DISC1: variants seen among roughly 807,000 people sequenced by gnomAD.
DISC1 encodes disrupted in schizophrenia 1 protein.
Under a neutral mutation model 84.5 loss-of-function variants are expected in DISC1, and 57 were observed. That is an observed-to-expected ratio of 0.67 (90% CI 0.55 to 0.84). DISC1 has a LOEUF of 0.84. DISC1 is among the 40% of genes least tolerant of loss of function. The pLI is 0.00. For missense variants in DISC1, 1,000 were observed against 1,057.8 expected, an observed-to-expected ratio of 0.95 and a Z score of 0.76; for synonymous variants, 411 against 415.2, an observed-to-expected ratio of 0.99 and a Z score of 0.12.
intron 10 of DISC1, among the ~76,000 whole-genome samples, chr1:231,965,600 C>T (rs995989759): frequency 6.6e-6 from 1 of 152,260 alleles, no homozygotes; most frequent in African/African-American, 2.4e-5. Flanking sequence ...ATAAATTCCA[C>T]AGTCCTTGTT....
intron 10 of DISC1, among the ~76,000 whole-genome samples, chr1:231,995,886 T>G: frequency 6.6e-6 from 1 of 151,664 alleles, no homozygotes; most frequent in Non-Finnish European, 1.5e-5. Flanking sequence ...AAATGGTATT[T>G]CCAGTTCTAG....
At chr1:231,756,149 A>G (rs1421345585) in intron 4 of DISC1, among the ~76,000 whole-genome samples, 3 of 152,218 alleles carry the variant, frequency 2.0e-5, no homozygotes, top group East Asian at 3.8e-4. Flanking sequence ...GAATGTTTCT[A>G]GATTCTATGA....
rs1178862593 is a variant in DISC1, at chr1:231,800,166, C to T, written c.1748C>T (p.Thr583Ile). The T allele has an allele frequency of 1.9e-6, 3 of 1,611,980 alleles. No individual in the cohort carries two copies. Among genetic ancestry groups the T allele is most frequent in the Admixed American group, 1.7e-5 (1 of 59,862 alleles). ...AGGAAGAAAGTTAACGATATTGAAACCCAACTACCAGCCTTGCTTGAAGCC... is the reference window on the plus strand; with the variant it reads ...AGGAAGAAAGTTAACGATATTGAAATCCAACTACCAGCCTTGCTTGAAGCC... The part of the protein sequence containing the change: ...TLRKKVNDIE[T>I]QLPALLEAKM... Residue 583 changes from threonine to isoleucine, a missense_variant, in exon 8 of 13, where the codon ACC (threonine) becomes ATC (isoleucine). Thr to Ile is a moderately conservative substitution (Grantham distance 89). This residue lies in a region of DISC1 where 397 missense variants were observed against 377.5 expected (regional missense o/e 1.05). Transcript: ENST00000439617.
chr1:231,949,891 CAG>C (rs1159947705), intron 9 of DISC1, among the ~76,000 whole-genome samples: 2 of 152,242 alleles, frequency 1.3e-5, no homozygotes, highest in African/African-American at 4.8e-5. Flanking sequence ...TTTGTAAAAA[CAG>C]AGCCTTTGGC....
intron 10 of DISC1, among the ~76,000 whole-genome samples, chr1:232,004,913 C>A (rs138548092): frequency 0.055 from 6,671 of 122,140 alleles, 269 homozygotes; most frequent in East Asian, 0.24. Context: ...TCTTTCCTTC[C>A]TTCCTTCTTC....
chr1:231,880,894 AC>A (rs2086245829), intron 9 of DISC1, among the ~76,000 whole-genome samples: 1 of 152,160 alleles, frequency 6.6e-6, no homozygotes, highest in Non-Finnish European at 1.5e-5. Flanking sequence ...GAAAAACTTA[AC>A]GTTTCATGAT....
At chr1:231,692,478 T>C (rs893136789) in intron 1 of DISC1, among the ~76,000 whole-genome samples, 1 of 152,242 alleles carries the variant, frequency 6.6e-6, no homozygotes, top group African/African-American at 2.4e-5. Context: ...CCACCCCTTT[T>C]AGGAGATGGC....
intron 9 of DISC1, among the ~76,000 whole-genome samples, chr1:231,940,772 C>A (rs1278616251): frequency 6.6e-6 from 1 of 152,170 alleles, no homozygotes; most frequent in South Asian, 2.1e-4. Context: ...TAGCATTACC[C>A]CAAATACAAT....
intron 9 of DISC1, among the ~76,000 whole-genome samples, chr1:231,906,832 GA>G (rs939758190): frequency 4.8e-5 from 7 of 146,200 alleles, no homozygotes; most frequent in Non-Finnish European, 6.0e-5. Context: ...AAGAAGAAAG[GA>G]AAAAAAAAAT....
chr1:231,915,644 G>C (rs2089568009), intron 9 of DISC1, among the ~76,000 whole-genome samples: 1 of 152,188 alleles, frequency 6.6e-6, no homozygotes, highest in Admixed American at 6.5e-5. Flanking sequence ...CAGGCGTGGT[G>C]GCAGGCACCT....
chr1:231,801,328 G>A (rs1383128932), intron 8 of DISC1, among the ~76,000 whole-genome samples: 1 of 152,076 alleles, frequency 6.6e-6, no homozygotes, highest in East Asian at 1.9e-4. Flanking sequence ...TAGGGTTTTT[G>A]CCTTTCTTAA....
intron 4 of DISC1, among the ~76,000 whole-genome samples, chr1:231,753,667 C>G (rs73117179): frequency 0.031 from 4,683 of 152,310 alleles, 166 homozygotes; most frequent in African/African-American, 0.084. Context: ...GCTTGAATTC[C>G]TCCCTCGAAA....
At chr1:231,670,661 A>G (rs1212486922) in intron 1 of DISC1, 2 of 152,230 alleles carry the variant, frequency 1.3e-5, no homozygotes, top group Non-Finnish European at 2.9e-5. Flanking sequence ...CAGATCATAT[A>G]AATCTTGTGA....
chr1:231,678,810 C>T (rs12136866), intron 1 of DISC1, among the ~76,000 whole-genome samples: 52 of 152,274 alleles, frequency 3.4e-4, no homozygotes, highest in African/African-American at 9.1e-4. Flanking sequence ...GGACTACAGG[C>T]GCCCGCCACC....
chr1:231,909,108 A>G (rs1322983617), intron 9 of DISC1, among the ~76,000 whole-genome samples: 1 of 152,154 alleles, frequency 6.6e-6, no homozygotes, highest in African/African-American at 2.4e-5. Context: ...AAATCATGTG[A>G]TCTGTAAAAA....
chr1:231,828,686 A>AT (rs755941913), intron 9 of DISC1, among the ~76,000 whole-genome samples: 3 of 152,156 alleles, frequency 2.0e-5, no homozygotes, highest in African/African-American at 4.8e-5. Context: ...CCCTGGTTGC[A>AT]TTTTTTTGCA....
chr1:231,681,471 G>C lies in DISC1; in HGVS notation c.68-12355G>C, dbSNP rs139851508. Among the ~76,000 whole-genome samples, 444 of 151,594 alleles carry C rather than the reference G, an allele frequency of 2.9e-3. 1 individual carries two copies. The highest frequency in any genetic ancestry group is 0.027 in the Middle Eastern group (8 of 292). On this transcript the variant is annotated intron_variant, in intron 1 of 12. Coordinates refer to ENST00000439617, the MANE Select transcript of DISC1 (RefSeq NM_018662.3). ...GGGAACTTCATCAGTACAAAAAAAA[G>C]CTTGTGGTCAGAGCTGAGGCTGCCC...
chr1:231,725,384 A>C (rs1416228021), intron 3 of DISC1, among the ~76,000 whole-genome samples: 3 of 152,196 alleles, frequency 2.0e-5, no homozygotes, highest in Non-Finnish European at 4.4e-5. Context: ...AACTGCCCTT[A>C]TTGCTCATTA....
At chr1:231,812,890 A>G (rs35720511) in intron 8 of DISC1, among the ~76,000 whole-genome samples, 20 of 152,342 alleles carry the variant, frequency 1.3e-4, no homozygotes, top group Middle Eastern at 3.4e-3. Flanking sequence ...CAAAATGCCT[A>G]TAAAGTATTG....
Sources: gnomAD v4.1 joint callset for allele counts (sites outside exome capture counted in the v4.1 genomes callset) on GRCh38, gnomAD v4.1.1 for gene constraint, gnomAD v4.1.1 regional missense constraint, MANE v1.5 for transcripts, NCBI Gene and HGNC (gene_info 2026-07-23, HGNC 2026-07-21) for gene names.